COL5A2: variants seen among roughly 807,000 people sequenced by gnomAD.
COL5A2 encodes collagen alpha-2(V) chain.
A neutral mutation model predicts 208.2 loss-of-function variants in COL5A2; 23 were observed. The ratio of observed to expected loss-of-function variants is 0.11; its 90% CI spans 0.08 to 0.16. COL5A2 has a LOEUF of 0.16. Among genes scored for constraint, COL5A2 ranks in the 10% least tolerant of loss-of-function variants. COL5A2 has a pLI of 1.00. For synonymous variants in COL5A2, 625 were observed against 628.5 expected, an observed-to-expected ratio of 0.99 and a Z score of 0.08; for missense variants, 1,590 against 1,956.4, an observed-to-expected ratio of 0.81 and a Z score of 3.53.
At chr2:189,384,100 TG>T in the COL5A2 span, among the ~76,000 whole-genome samples, 1 of 152,186 alleles carries the variant, frequency 6.6e-6, no homozygotes, top group Admixed American at 6.5e-5. Context: ...ATTATTTATA[TG>T]GCTGAATAAT....
chr2:189,132,078 T>C (rs909637187), intron 1 of COL5A2, among the ~76,000 whole-genome samples: 1 of 152,230 alleles, frequency 6.6e-6, no homozygotes, highest in Non-Finnish European at 1.5e-5. Flanking sequence ...ATGTCTGTTC[T>C]TTGAAAAAAT....
chr2:189,417,696 G>A, the COL5A2 span, among the ~76,000 whole-genome samples: 1 of 151,732 alleles, frequency 6.6e-6, no homozygotes, highest in Non-Finnish European at 1.5e-5. Flanking sequence ...TGAGATATTT[G>A]TCTTTCTTTG....
At chr2:189,368,319 A>T in the COL5A2 span, among the ~76,000 whole-genome samples, 1 of 152,194 alleles carries the variant, frequency 6.6e-6, no homozygotes, top group Non-Finnish European at 1.5e-5. Context: ...TGCTATGATA[A>T]CATCATTAAT....
At position 189,057,624 on chromosome 2, in the gene COL5A2, C is replaced by T. The variant is rs73978814; in HGVS notation, c.2230-197G>A. On this transcript the variant is annotated intron_variant, in intron 33 of 53. Coordinates refer to ENST00000374866, the MANE Select transcript of COL5A2 (RefSeq NM_000393.5). ...AAAAACCAGATTTTGTTTTTGATTG[C>T]TGCTTTATATTTTTAACTTTTCTCT... 9.2e-3 allele frequency among the ~76,000 whole-genome samples: 1,407 copies of T among 152,196 alleles called. 21 individuals are homozygous for T. The highest frequency in any genetic ancestry group is 0.032 in the African/African-American group (1,348 of 41,528).
the COL5A2 span, among the ~76,000 whole-genome samples, chr2:189,293,063 A>G: frequency 6.7e-6 from 1 of 148,474 alleles, no homozygotes; most frequent in Middle Eastern, 3.4e-3. Context: ...ATGAGAACAC[A>G]TGGACACAGG....
Position 189,128,111 on chromosome 2 carries a change from C to T in COL5A2, c.98-17662G>A, listed in dbSNP as rs182514520. On this transcript the variant is annotated intron_variant, in intron 1 of 53. Transcript: ENST00000374866. ...ATTAATGCCACAGTACCTGATGTAG[C>T]TGCCCACAGCAATACACCTGTATTT... 1.7e-3 allele frequency among the ~76,000 whole-genome samples: 266 copies of T among 152,170 alleles called. 1 individual carries two copies. Among genetic ancestry groups the T allele is most frequent in the African/African-American group, 5.9e-3 (247 of 41,572 alleles).
the COL5A2 span, among the ~76,000 whole-genome samples, chr2:189,252,276 G>C: frequency 2.6e-5 from 4 of 152,142 alleles, no homozygotes; most frequent in African/African-American, 7.2e-5. Context: ...ATACCCAAAG[G>C]ATTATAAATC....
At chr2:189,142,072 T>C (rs1428861960) in intron 1 of COL5A2, among the ~76,000 whole-genome samples, 4 of 152,172 alleles carry the variant, frequency 2.6e-5, no homozygotes, top group Non-Finnish European at 4.4e-5. Flanking sequence ...GTTAACATTG[T>C]ATAGACTTGA....
chr2:189,308,011 C>T, the COL5A2 span, among the ~76,000 whole-genome samples: 3 of 152,140 alleles, frequency 2.0e-5, no homozygotes, highest in African/African-American at 4.8e-5. Flanking sequence ...TTGCTTTGCA[C>T]TGTGGACTCA....
At chr2:189,351,234 A>G in the COL5A2 span, among the ~76,000 whole-genome samples, 1 of 152,222 alleles carries the variant, frequency 6.6e-6, no homozygotes, top group South Asian at 2.1e-4. Flanking sequence ...ACATCTATAC[A>G]AATCATCAAC....
Position 189,050,554 on chromosome 2 carries a change from G to T in COL5A2, c.3039+15C>A, listed in dbSNP as rs114619770. 2 of 1,532,874 alleles carry T rather than the reference G, an allele frequency of 1.3e-6. No homozygotes were observed. Among genetic ancestry groups the T allele is most frequent in the Non-Finnish European group, 1.8e-6 (2 of 1,129,990 alleles). 95.0% of individuals were successfully genotyped at this position (1,532,874 alleles called of 1,614,324 possible). A position where few individuals can be genotyped will look rare whatever the true frequency, so the allele number is the denominator to read the frequency against. Reference sequence around the variant, plus strand: ...GCACATATGAGATAAAATATTGACCGATGCAGCTACTCACCGCTGGGCCTG... The same window carrying T: ...GCACATATGAGATAAAATATTGACCTATGCAGCTACTCACCGCTGGGCCTG... On this transcript the variant is annotated intron_variant, in intron 43 of 53. Coordinates refer to ENST00000374866, the MANE Select transcript of COL5A2 (RefSeq NM_000393.5).
chr2:189,311,493 C>G, the COL5A2 span: 3 of 1,072,656 alleles, frequency 2.8e-6, no homozygotes, highest in South Asian at 4.0e-5. Flanking sequence ...TGTCCCTCTG[C>G]CCGAGTCTGT....
the COL5A2 span, among the ~76,000 whole-genome samples, chr2:189,377,648 T>A: frequency 6.6e-6 from 1 of 152,106 alleles, no homozygotes; most frequent in Non-Finnish European, 1.5e-5. Context: ...TATCAAATGG[T>A]TTTTACTTTT....
chr2:189,104,729 C>T (rs1270380528), intron 2 of COL5A2, among the ~76,000 whole-genome samples: 1 of 151,720 alleles, frequency 6.6e-6, no homozygotes, highest in African/African-American at 2.4e-5. Flanking sequence ...TTACCCCCAC[C>T]CCCACAGGAG....
At chr2:189,429,674 T>A in the COL5A2 span, among the ~76,000 whole-genome samples, 1 of 152,200 alleles carries the variant, frequency 6.6e-6, no homozygotes, top group African/African-American at 2.4e-5. Flanking sequence ...GAAGCCCAAA[T>A]TATAGCACTC....
intron 1 of COL5A2, among the ~76,000 whole-genome samples, chr2:189,186,876 C>T (rs1205610221): frequency 6.6e-6 from 1 of 152,132 alleles, no homozygotes; most frequent in African/African-American, 2.4e-5. Flanking sequence ...AACATTTAGA[C>T]ATTATTAAAG....
At chr2:189,357,779 A>AAC in the COL5A2 span, among the ~76,000 whole-genome samples, 11 of 151,014 alleles carry the variant, frequency 7.3e-5, no homozygotes, top group East Asian at 1.6e-3. Flanking sequence ...AAAAAAAAAA[A>AAC]ACTCCTGCAG....
intron 16 of COL5A2, among the ~76,000 whole-genome samples, chr2:189,076,712 T>A (rs550741036): frequency 6.6e-6 from 1 of 152,302 alleles, no homozygotes; most frequent in South Asian, 2.1e-4. Flanking sequence ...GAAAGTCTGT[T>A]ATGTCACAGT....
At chr2:189,282,366 G>A in the COL5A2 span, among the ~76,000 whole-genome samples, 1 of 152,020 alleles carries the variant, frequency 6.6e-6, no homozygotes, top group Non-Finnish European at 1.5e-5. Flanking sequence ...TTGTTTCCCA[G>A]TGACTGGAAT....
Sources: gnomAD v4.1 joint callset for allele counts (sites outside exome capture counted in the v4.1 genomes callset) on GRCh38, gnomAD v4.1.1 for gene constraint, MANE v1.5 for transcripts, NCBI Gene and HGNC (gene_info 2026-07-23, HGNC 2026-07-21) for gene names.